Variants in OAS1 observed in about 807,000 individuals in gnomAD.
OAS1 encodes 2'-5'-oligoadenylate synthetase 1.
A neutral mutation model predicts 38.5 loss-of-function variants in OAS1; 24 were observed. That is an observed-to-expected ratio of 0.62 (90% confidence interval 0.45 to 0.88). The LOEUF is 0.88. Among genes scored for constraint, OAS1 ranks in the 40% least tolerant of loss-of-function variants. The pLI, the probability that OAS1 is intolerant of heterozygous loss-of-function variation, is 0.00. For synonymous variants in OAS1, 169 were observed against 193.9 expected (o/e 0.87, Z 1.07); for missense variants, 482 against 493.9 (o/e 0.98, Z 0.23).
chr12:112,926,294 T>C (rs1475682846), intron 6 of OAS1, among the ~76,000 whole-genome samples: 1 of 152,126 alleles, frequency 6.6e-6, no homozygotes, highest in Non-Finnish European at 1.5e-5. Context: ...TGGCCTAAAA[T>C]TTTATGTTAA....
At chr12:112,920,989 C>T (rs4767025), downstream of OAS1, among the ~76,000 whole-genome samples, 114,038 of 151,634 alleles carry the variant, frequency 0.75, 44,099 homozygotes, top group African/African-American at 0.94. Context: ...ATCACTGTAG[C>T]ATGGTCTTAA....
At chr12:112,910,376 GA>G (rs1433432719) in intron 2 of OAS1, among the ~76,000 whole-genome samples, 2 of 151,502 alleles carry the variant, frequency 1.3e-5, no homozygotes, top group Non-Finnish European at 2.9e-5. Context: ...TCGAAAAAAA[GA>G]AAAAAGAAAA....
chr12:112,914,659 T>A (rs1383271881), intron 3 of OAS1, among the ~76,000 whole-genome samples: 3 of 152,094 alleles, frequency 2.0e-5, no homozygotes, highest in Non-Finnish European at 1.5e-5. Context: ...TGGTATCACA[T>A]TGTGGTTTTG....
chr12:112,914,903 C>A (rs45495393), intron 3 of OAS1, among the ~76,000 whole-genome samples: 32,687 of 151,180 alleles, frequency 0.22, 3,573 homozygotes, highest in Middle Eastern at 0.24. Flanking sequence ...CCCCCCACCC[C>A]GCTTGTTGGT....
intron 6 of OAS1, among the ~76,000 whole-genome samples, chr12:112,929,618 A>G (rs1481000958): frequency 1.3e-5 from 2 of 152,208 alleles, no homozygotes; most frequent in African/African-American, 4.8e-5. Context: ...TAATCCTCAT[A>G]TAAATCCTAT....
At chr12:112,913,982 G>A (rs149786503) in intron 3 of OAS1, among the ~76,000 whole-genome samples, 1 of 152,094 alleles carries the variant, frequency 6.6e-6, no homozygotes, top group African/African-American at 2.4e-5. Context: ...GGGGGAACAG[G>A]TGGTGTTTGG....
intron 2 of OAS1, 68 bp from the exon 3 acceptor site, chr12:112,910,983 C>A: frequency 7.1e-7 from 1 of 1,415,124 alleles, no homozygotes; most frequent in Non-Finnish European, 9.8e-7. Context: ...GGGAGATTGT[C>A]CCCTCAGAGT....
At chr12:112,930,569 G>T (rs1000956788) in intron 6 of OAS1, among the ~76,000 whole-genome samples, 1 of 152,188 alleles carries the variant, frequency 6.6e-6, no homozygotes, top group South Asian at 2.1e-4. Flanking sequence ...GCCCAAGGCC[G>T]GTGCTCTGAG....
chr12:112,907,292 G>A (rs994484366), intron 1 of OAS1, 73 bp downstream of exon 1: 2 of 1,492,930 alleles, frequency 1.3e-6, no homozygotes, highest in Admixed American at 1.8e-5. Context: ...ATGAGAGAGA[G>A]AGAGAGAGAG....
intron 6 of OAS1, among the ~76,000 whole-genome samples, chr12:112,925,451 C>G (rs1593166544): frequency 6.6e-6 from 1 of 152,300 alleles, no homozygotes; most frequent in Non-Finnish European, 1.5e-5. Context: ...TGCCTGGGCT[C>G]AAATCCTGCT....
downstream of OAS1, among the ~76,000 whole-genome samples, chr12:112,922,846 G>A (rs535445730): frequency 5.9e-5 from 9 of 152,212 alleles, no homozygotes; most frequent in South Asian, 2.1e-4. Context: ...GGAAAACCTC[G>A]GCTTCACAAG....
At chr12:112,929,441 C>G (rs533839830) in intron 6 of OAS1, among the ~76,000 whole-genome samples, 36 of 152,354 alleles carry the variant, frequency 2.4e-4, no homozygotes, top group Admixed American at 6.5e-4. Flanking sequence ...GTATTCTTAA[C>G]ATGACTGAGG....
chr12:112,912,807 A>G (rs1308415253), intron 3 of OAS1, among the ~76,000 whole-genome samples: 4 of 152,240 alleles, frequency 2.6e-5, no homozygotes, highest in Non-Finnish European at 4.4e-5. Context: ...CTTTAAAACA[A>G]GACAAGATTA....
downstream of OAS1, among the ~76,000 whole-genome samples, chr12:112,921,255 T>C (rs2043526794): frequency 6.6e-6 from 1 of 152,218 alleles, no homozygotes; most frequent in South Asian, 2.1e-4. Flanking sequence ...TTGGCACCCT[T>C]AGCCCAGTCA....
intron 6 of OAS1, among the ~76,000 whole-genome samples, chr12:112,929,753 T>C (rs1181346374): frequency 6.6e-6 from 1 of 152,110 alleles, no homozygotes; most frequent in Non-Finnish European, 1.5e-5. Context: ...AGAGTCCTTT[T>C]TTATGATAAT....
intron 6 of OAS1, among the ~76,000 whole-genome samples, chr12:112,927,959 C>T (rs908864650): frequency 2.6e-5 from 4 of 152,174 alleles, no homozygotes; most frequent in Non-Finnish European, 5.9e-5. Flanking sequence ...TGTAGCATGC[C>T]TGAAGGGACA....
intron 5 of OAS1, 95 bp downstream of exon 5, chr12:112,917,795 C>T (rs951904194): frequency 3.1e-6 from 5 of 1,613,262 alleles, no homozygotes; most frequent in East Asian, 2.2e-5. Flanking sequence ...AAAGAACTTA[C>T]CTCTTGCCAA....
downstream of OAS1, among the ~76,000 whole-genome samples, chr12:112,921,673 G>T (rs745440113): frequency 6.6e-6 from 1 of 152,186 alleles, no homozygotes; most frequent in Non-Finnish European, 1.5e-5. Context: ...CATGGGGTCT[G>T]CCAGGCTGGT....
At chr12:112,927,735 T>C (rs2043568686) in intron 6 of OAS1, among the ~76,000 whole-genome samples, 1 of 152,210 alleles carries the variant, frequency 6.6e-6, no homozygotes, top group African/African-American at 2.4e-5. Context: ...CTTTTTCACT[T>C]ATATCAAGCA....
Sources: allele counts gnomAD v4.1 joint callset (sites outside exome capture counted in the v4.1 genomes callset), GRCh38; gene constraint gnomAD v4.1.1; transcripts MANE v1.5; gene names NCBI Gene and HGNC (gene_info 2026-07-23, HGNC 2026-07-21).